The following PDE1C variants were observed in gnomAD, a reference collection of about 807,000 sequenced individuals.
PDE1C encodes phosphodiesterase 1C.
A neutral mutation model predicts 93.1 loss-of-function variants in PDE1C; 62 were observed. The ratio of observed to expected loss-of-function variants is 0.67; its 90% CI spans 0.54 to 0.82. PDE1C has a LOEUF of 0.82. Ranked by LOEUF, PDE1C falls within the 40% of genes least tolerant of loss-of-function variation. The probability of loss-of-function intolerance (pLI) is 0.00; values close to 1 mark genes in which losing one functional copy is unlikely to be tolerated. For missense variants in PDE1C, 742 were observed against 884.6 expected (o/e 0.84, Z 2.04); for synonymous variants, 325 against 310.1 (o/e 1.05, Z -0.50).
chr7:31,806,013 C>G (rs1786778822), intron 16 of PDE1C, among the ~76,000 whole-genome samples: 1 of 151,878 alleles, frequency 6.6e-6, no homozygotes, highest in Admixed American at 6.6e-5. Flanking sequence ...TGTTACTTAT[C>G]TTTGGCAAAA....
At chr7:32,216,884 G>C (rs1806471226) in intron 1 of PDE1C, among the ~76,000 whole-genome samples, 1 of 152,206 alleles carries the variant, frequency 6.6e-6, no homozygotes, top group Admixed American at 6.5e-5. Flanking sequence ...GCTGCACCGA[G>C]AGAAGAGCCA....
At chr7:31,905,875 C>T (rs1306814595) in intron 2 of PDE1C, among the ~76,000 whole-genome samples, 2 of 152,148 alleles carry the variant, frequency 1.3e-5, no homozygotes, top group Non-Finnish European at 2.9e-5. Context: ...TGAGTTCTCA[C>T]AAGATCTGAT....
At chr7:32,101,017 C>A (rs1563313178) in intron 3 of PDE1C, among the ~76,000 whole-genome samples, 1 of 152,136 alleles carries the variant, frequency 6.6e-6, no homozygotes, top group African/African-American at 2.4e-5. Context: ...CCCACACTGA[C>A]CCCCCTTGCT....
At chr7:31,940,417 C>T (rs1805659636) in intron 2 of PDE1C, among the ~76,000 whole-genome samples, 1 of 152,172 alleles carries the variant, frequency 6.6e-6, no homozygotes, top group African/African-American at 2.4e-5. Flanking sequence ...CAGTTTTTCT[C>T]TGCAAGGTAG....
In PDE1C at chr7:32,312,893, A is replaced by G. The variant is rs534705926; in HGVS notation, c.311-103354T>C. Reference sequence around the variant, plus strand: ...CAAAAGCAATGGCAACAAAAGCCAAAATTGACAAATGGGATCTAATTAAAC... The same window carrying G: ...CAAAAGCAATGGCAACAAAAGCCAAGATTGACAAATGGGATCTAATTAAAC... On this transcript the variant is annotated intron_variant, in intron 1 of 1. Coordinates refer to the PDE1C transcript ENST00000672256. Among the ~76,000 whole-genome samples, 4 of 152,352 alleles carry G rather than the reference A, an allele frequency of 2.6e-5. No individual in the cohort carries two copies. The East Asian group carries it at 7.7e-4, about 29-fold the overall frequency.
the PDE1C span, among the ~76,000 whole-genome samples, chr7:31,677,370 G>A: frequency 5.4e-4 from 82 of 152,176 alleles, no homozygotes; most frequent in Middle Eastern, 0.01. Flanking sequence ...CTATAAACCA[G>A]TCTCACTTAC....
chr7:31,628,783 G>A, the PDE1C span, among the ~76,000 whole-genome samples: 5 of 152,178 alleles, frequency 3.3e-5, no homozygotes, highest in East Asian at 9.7e-4. Flanking sequence ...GGAAACTTTA[G>A]TTCTTCAGCT....
At chr7:31,914,109 T>C (rs973367788) in intron 2 of PDE1C, among the ~76,000 whole-genome samples, 1 of 152,206 alleles carries the variant, frequency 6.6e-6, no homozygotes, top group Admixed American at 6.6e-5. Context: ...ATTACTCAAA[T>C]GGTTTTCAAG....
At chr7:31,936,160 T>C (rs892024411) in intron 2 of PDE1C, among the ~76,000 whole-genome samples, 4 of 152,272 alleles carry the variant, frequency 2.6e-5, no homozygotes, top group Non-Finnish European at 4.4e-5. Context: ...TTTATAAAGA[T>C]CTAAAGACGG....
chr7:32,255,341 G>A (rs1407219377), intron 1 of PDE1C, among the ~76,000 whole-genome samples: 1 of 152,142 alleles, frequency 6.6e-6, no homozygotes, highest in African/African-American at 2.4e-5. Flanking sequence ...AAGGAGCCTG[G>A]GCTTTGGATT....
At chr7:31,821,158 T>C (rs1374545186) in intron 14 of PDE1C, among the ~76,000 whole-genome samples, 1 of 152,032 alleles carries the variant, frequency 6.6e-6, no homozygotes, top group East Asian at 1.9e-4. Context: ...ATATAACACC[T>C]CCTTCAGGTC....
intron 1 of PDE1C, among the ~76,000 whole-genome samples, chr7:32,422,155 A>G (rs1047999222): frequency 6.6e-6 from 1 of 152,174 alleles, no homozygotes; most frequent in Non-Finnish European, 1.5e-5. Flanking sequence ...ATTGCCTGTC[A>G]CTAACCTAAG....
intron 2 of PDE1C, among the ~76,000 whole-genome samples, chr7:31,944,263 G>C (rs1806281087): frequency 6.6e-6 from 1 of 152,134 alleles, no homozygotes; most frequent in Admixed American, 6.6e-5. Flanking sequence ...ATTCGCACTA[G>C]AGCACTCACC....
the PDE1C span, among the ~76,000 whole-genome samples, chr7:31,641,294 A>G: frequency 6.6e-6 from 1 of 152,150 alleles, no homozygotes; most frequent in Non-Finnish European, 1.5e-5. Flanking sequence ...GTATCTATGG[A>G]CAATCAACTG....
At chr7:31,776,543 T>C (rs528867751) in intron 16 of PDE1C, among the ~76,000 whole-genome samples, 56 of 152,272 alleles carry the variant, frequency 3.7e-4, no homozygotes, top group South Asian at 1.2e-3. Flanking sequence ...AAGGGAGAAC[T>C]GAGAGGTCCT....
At chr7:31,643,208 A>T in the PDE1C span, 1 of 1,613,816 alleles carries the variant, frequency 6.2e-7, no homozygotes, top group Non-Finnish European at 8.5e-7. Flanking sequence ...CTTCATGTTG[A>T]CTCTGAGGCC....
At chr7:31,678,386 G>A in the PDE1C span, among the ~76,000 whole-genome samples, 1 of 152,102 alleles carries the variant, frequency 6.6e-6, no homozygotes, top group East Asian at 1.9e-4. Context: ...GTAAAACAGA[G>A]CAATGGAACA....
At chr7:31,869,714 T>G (rs930036007) in intron 6 of PDE1C, among the ~76,000 whole-genome samples, 1 of 152,038 alleles carries the variant, frequency 6.6e-6, no homozygotes, top group Non-Finnish European at 1.5e-5. Context: ...ACAGAACATC[T>G]ATACAGAAAA....
At chr7:32,373,089 C>A (rs1488500236) in intron 1 of PDE1C, among the ~76,000 whole-genome samples, 4 of 152,194 alleles carry the variant, frequency 2.6e-5, no homozygotes. Context: ...TACCATGTGA[C>A]CCAGCAATTT....
Sources: gnomAD v4.1 joint callset for allele counts (sites outside exome capture counted in the v4.1 genomes callset) on GRCh38, gnomAD v4.1.1 for gene constraint, MANE v1.5 for transcripts, NCBI Gene and HGNC (gene_info 2026-07-23, HGNC 2026-07-21) for gene names.